ADAMTS12: variants seen among roughly 807,000 people sequenced by gnomAD.
ADAMTS12 encodes the protein A disintegrin and metalloproteinase with thrombospondin motifs 12.
In ADAMTS12, 118 loss-of-function variants were observed where a neutral mutation model predicts 167.8. The observed-to-expected ratio is 0.70, with a 90% CI of 0.61 to 0.82. The LOEUF (loss-of-function observed/expected upper bound fraction) is 0.82, where lower values mean the gene tolerates loss of function less well. Among genes scored for constraint, ADAMTS12 ranks in the 40% least tolerant of loss-of-function variants. ADAMTS12 has a pLI of 0.00. For missense variants in ADAMTS12, 1,916 were observed against 1,998.8 expected, an observed-to-expected ratio of 0.96 and a Z score of 0.79; for synonymous variants, 704 against 716.9, an observed-to-expected ratio of 0.98 and a Z score of 0.29.
intron 3 of ADAMTS12, among the ~76,000 whole-genome samples, chr5:33,686,940 G>T (rs71631087): frequency 0.29 from 31,408 of 109,736 alleles, 3,836 homozygotes; most frequent in Non-Finnish European, 0.38. Context: ...TATATATAGA[G>T]AGAGAGAGAG....
intron 5 of ADAMTS12, among the ~76,000 whole-genome samples, chr5:33,679,346 AG>A (rs764268683): frequency 3.9e-5 from 6 of 152,228 alleles, no homozygotes; most frequent in Non-Finnish European, 8.8e-5. Flanking sequence ...TAAGGGAAAG[AG>A]GTTTAATTGG....
chr5:33,692,364 A>G (rs1288464848), intron 3 of ADAMTS12, among the ~76,000 whole-genome samples: 1 of 152,218 alleles, frequency 6.6e-6, no homozygotes, highest in Non-Finnish European at 1.5e-5. Context: ...CAATAGAAGG[A>G]GCCTGGGTTC....
At chr5:33,874,233 A>C (rs1412721910) in intron 2 of ADAMTS12, among the ~76,000 whole-genome samples, 1 of 152,222 alleles carries the variant, frequency 6.6e-6, no homozygotes, top group African/African-American at 2.4e-5. Flanking sequence ...AACAATAAGG[A>C]AATTAGCAAC....
chr5:33,550,163 A>G (rs1745186240), intron 20 of ADAMTS12, among the ~76,000 whole-genome samples: 1 of 152,096 alleles, frequency 6.6e-6, no homozygotes, highest in African/African-American at 2.4e-5. Context: ...TTTCCCTTGG[A>G]CCGTGATAAA....
intron 16 of ADAMTS12, among the ~76,000 whole-genome samples, chr5:33,607,673 A>C (rs1453468862): frequency 6.6e-6 from 1 of 151,840 alleles, no homozygotes; most frequent in Non-Finnish European, 1.5e-5. Flanking sequence ...TTTGTGTGTT[A>C]TCTCTGATTT....
chr5:33,765,867 T>A (rs867697243), intron 2 of ADAMTS12, among the ~76,000 whole-genome samples: 6 of 152,364 alleles, frequency 3.9e-5, no homozygotes, highest in Middle Eastern at 6.8e-3. Flanking sequence ...TACAATACTT[T>A]GAATCTCTTT....
chr5:33,767,805 A>G lies in ADAMTS12; in HGVS notation c.490-16257T>C, dbSNP rs1201865444. On this transcript the variant is annotated intron_variant, in intron 2 of 23. Coordinates refer to ENST00000504830, the MANE Select transcript of ADAMTS12 (RefSeq NM_030955.4). ...GAAGAAAGAAGGAAACTACACCAGA[A>G]AAAGAAGAGATGGGGAAAAAATAAC... 1.2e-4 allele frequency among the ~76,000 whole-genome samples: 18 copies of G among 152,290 alleles called. 1 individual carries two copies. The highest frequency in any genetic ancestry group is 6.8e-3 in the Middle Eastern group (2 of 294).
intron 1 of ADAMTS12, chr5:33,891,527 A>T (rs1750852180): frequency 1.5e-6 from 1 of 660,176 alleles, no homozygotes; most frequent in South Asian, 2.2e-5. Flanking sequence ...ACCTTTCTAT[A>T]AGAATGAAGG....
In ADAMTS12 at chr5:33,525,868, C is replaced by A. The variant is rs1743788714; in HGVS notation, c.*1320G>T. On this transcript the variant is annotated 3_prime_UTR_variant, in exon 24 of 24. Coordinates refer to ENST00000504830, the MANE Select transcript of ADAMTS12 (RefSeq NM_030955.4). ...TGGGTTCAGTTCATGTAAGTACCTT[C>A]CCTTAGAAATCACTTTGTCTAGAAA... 6.6e-6 allele frequency: 1 copy of A among 152,162 alleles called. No homozygotes were observed. The highest frequency in any genetic ancestry group is 1.5e-5 in the Non-Finnish European group (1 of 68,038). The allele number at this position is 152,162 out of a possible 1,614,324, so 9.4% of individuals were successfully genotyped here.
chr5:33,627,864 G>A (rs1029573106), intron 13 of ADAMTS12, among the ~76,000 whole-genome samples: 1 of 152,176 alleles, frequency 6.6e-6, no homozygotes, highest in Non-Finnish European at 1.5e-5. Context: ...TGAGAGAAAT[G>A]AGTGAGGAAG....
intron 2 of ADAMTS12, among the ~76,000 whole-genome samples, chr5:33,771,648 C>A (rs1206397990): frequency 6.6e-6 from 1 of 151,876 alleles, no homozygotes; most frequent in Non-Finnish European, 1.5e-5. Flanking sequence ...TATGGTGGTA[C>A]AACAATGTGA....
chr5:33,626,515 TGTG>T (rs1468005071), intron 13 of ADAMTS12, among the ~76,000 whole-genome samples: 1 of 150,198 alleles, frequency 6.7e-6, no homozygotes, highest in Non-Finnish European at 1.5e-5. Flanking sequence ...GTGGTGGTAA[TGTG>T]GTAATGGTGG....
intron 3 of ADAMTS12, among the ~76,000 whole-genome samples, chr5:33,748,541 A>T (rs924216213): frequency 6.6e-6 from 1 of 152,224 alleles, no homozygotes; most frequent in African/African-American, 2.4e-5. Context: ...TCTATGTGGG[A>T]AATAAAAATG....
intron 16 of ADAMTS12, among the ~76,000 whole-genome samples, chr5:33,596,407 C>T (rs776055730): frequency 2.0e-5 from 3 of 152,152 alleles, no homozygotes; most frequent in African/African-American, 4.8e-5. Context: ...GTAGGTTGGG[C>T]GCAGTGGCTC....
chr5:33,797,269 G>A (rs1226230935), intron 2 of ADAMTS12, among the ~76,000 whole-genome samples: 1 of 152,128 alleles, frequency 6.6e-6, no homozygotes, highest in East Asian at 1.9e-4. Flanking sequence ...GGCCAAGCCT[G>A]TTGAAGAGGG....
intron 7 of ADAMTS12, among the ~76,000 whole-genome samples, chr5:33,653,815 C>T (rs563047054): frequency 2.0e-5 from 3 of 152,252 alleles, no homozygotes; most frequent in African/African-American, 7.2e-5. Flanking sequence ...TTGAGTTTCT[C>T]TCACCTTCTT....
At chr5:33,813,230 C>T (rs1747527890) in intron 2 of ADAMTS12, among the ~76,000 whole-genome samples, 6 of 152,130 alleles carry the variant, frequency 3.9e-5, no homozygotes, top group Admixed American at 2.6e-4. Context: ...GTTGTGCTGC[C>T]AGATTTGTTT....
chr5:33,633,635 G>T (rs534262608), intron 12 of ADAMTS12, among the ~76,000 whole-genome samples: 2 of 152,072 alleles, frequency 1.3e-5, no homozygotes, highest in Non-Finnish European at 2.9e-5. Context: ...TCCTTCTCTG[G>T]CCTTTGTCTT....
At chr5:33,775,222 C>T (rs1745874498) in intron 2 of ADAMTS12, among the ~76,000 whole-genome samples, 1 of 152,004 alleles carries the variant, frequency 6.6e-6, no homozygotes, top group Non-Finnish European at 1.5e-5. Context: ...GGCTTTGAGC[C>T]CTGTAAAAAT....
Sources: gnomAD v4.1 joint callset for allele counts (sites outside exome capture counted in the v4.1 genomes callset) on GRCh38, gnomAD v4.1.1 for gene constraint, MANE v1.5 for transcripts, NCBI Gene and HGNC (gene_info 2026-07-23, HGNC 2026-07-21) for gene names.